LRP1B: variants seen among roughly 807,000 people sequenced by gnomAD.
LRP1B encodes the protein LDL receptor related protein 1B.
Under a neutral mutation model 556.6 loss-of-function variants are expected in LRP1B, and 217 were observed. The ratio of observed to expected loss-of-function variants is 0.39; its 90% CI spans 0.35 to 0.44. LRP1B has a LOEUF of 0.44. LRP1B is among the 20% of genes least tolerant of loss of function. The probability of loss-of-function intolerance (pLI) is 1.00; values close to 1 mark genes in which losing one functional copy is unlikely to be tolerated. For missense variants in LRP1B, 5,053 were observed against 5,620.8 expected (o/e 0.90, Z 3.23); for synonymous variants, 2,047 against 1,865.8 (o/e 1.10, Z -2.50).
At chr2:142,129,593 TCTCTC>T (rs1407397485) in intron 1 of LRP1B, among the ~76,000 whole-genome samples, 1 of 16,462 alleles carries the variant, frequency 6.1e-5, no homozygotes, top group Non-Finnish European at 1.2e-4. Flanking sequence ...TTTCTCTCTC[TCTCTC>T]TCTCTCTCTC....
intron 79 of LRP1B, among the ~76,000 whole-genome samples, chr2:140,332,407 G>A (rs1438020858): frequency 6.6e-6 from 1 of 151,990 alleles, no homozygotes; most frequent in Non-Finnish European, 1.5e-5. Flanking sequence ...GTAATACATG[G>A]AAAGTGTCAG....
intron 5 of LRP1B, among the ~76,000 whole-genome samples, chr2:141,245,010 A>G (rs1458394356): frequency 1.3e-5 from 2 of 152,142 alleles, no homozygotes; most frequent in African/African-American, 4.8e-5. Flanking sequence ...GTTGCATTCT[A>G]TTATTGTAAG....
intron 35 of LRP1B, among the ~76,000 whole-genome samples, chr2:140,722,099 T>G (rs1376821859): frequency 6.6e-5 from 10 of 152,182 alleles, no homozygotes. Flanking sequence ...TTTAAAATGT[T>G]TTGATAAATG....
At chr2:141,974,103 A>T (rs1387593617) in intron 1 of LRP1B, among the ~76,000 whole-genome samples, 6 of 151,966 alleles carry the variant, frequency 3.9e-5, no homozygotes, top group Non-Finnish European at 8.8e-5. Flanking sequence ...GATACTGAAA[A>T]AGAGTCTCTC....
intron 7 of LRP1B, among the ~76,000 whole-genome samples, chr2:141,146,966 A>T (rs1265481967): frequency 6.6e-6 from 1 of 152,162 alleles, no homozygotes; most frequent in Non-Finnish European, 1.5e-5. Flanking sequence ...CAGGAAGCTG[A>T]TCCCTGTGGA....
Position 140,776,740 on chromosome 2 carries a change from C to A in LRP1B, c.5360-502G>T, listed in dbSNP as rs186959902. The stretch of plus-strand genomic sequence containing the variant: ...TTTGATCATGTGTGCTCTCCATTAC[C>A]GGTCTCTTCACAATTGTTAACCTTC... On this transcript the variant is annotated intron_variant, in intron 32 of 90. Coordinates refer to ENST00000389484, the MANE Select transcript of LRP1B (RefSeq NM_018557.3). 9.8e-4 allele frequency among the ~76,000 whole-genome samples: 149 copies of A among 152,032 alleles called. 1 individual carries two copies. The highest frequency in any genetic ancestry group is 1.8e-3 in the Non-Finnish European group (121 of 67,958).
At chr2:141,819,940 T>C (rs1558898055) in intron 1 of LRP1B, among the ~76,000 whole-genome samples, 1 of 152,154 alleles carries the variant, frequency 6.6e-6, no homozygotes, top group Non-Finnish European at 1.5e-5. Context: ...AATTACACAT[T>C]ATTTTTGCAA....
At chr2:140,540,077 G>C (rs1275136451) in intron 45 of LRP1B, among the ~76,000 whole-genome samples, 2 of 152,032 alleles carry the variant, frequency 1.3e-5, no homozygotes, top group Admixed American at 6.6e-5. Flanking sequence ...AATCCTTCCA[G>C]TGGAAAGAGA....
chr2:141,035,834 T>C (rs898112886), intron 11 of LRP1B, among the ~76,000 whole-genome samples: 4 of 152,134 alleles, frequency 2.6e-5, no homozygotes, highest in Non-Finnish European at 5.9e-5. Context: ...GTGTAAACTG[T>C]GGATATTTAA....
At chr2:141,775,309 A>G (rs1160722610) in intron 2 of LRP1B, among the ~76,000 whole-genome samples, 4 of 152,222 alleles carry the variant, frequency 2.6e-5, no homozygotes, top group African/African-American at 9.6e-5. Context: ...GTGGAAAGCA[A>G]TTGATTTTTG....
At chr2:140,672,632 T>C (rs966280520) in intron 41 of LRP1B, among the ~76,000 whole-genome samples, 1 of 152,178 alleles carries the variant, frequency 6.6e-6, no homozygotes, top group Non-Finnish European at 1.5e-5. Context: ...CTCTGAATTA[T>C]TCTTCCTTTT....
chr2:141,195,597 G>A (rs1366464819), intron 6 of LRP1B, among the ~76,000 whole-genome samples: 2 of 152,218 alleles, frequency 1.3e-5, no homozygotes, highest in African/African-American at 4.8e-5. Flanking sequence ...AAACAAGACT[G>A]CCTACGCCAA....
chr2:141,828,133 C>T (rs982584821), intron 1 of LRP1B, among the ~76,000 whole-genome samples: 5 of 143,548 alleles, frequency 3.5e-5, no homozygotes, highest in Non-Finnish European at 7.6e-5. Context: ...TAATCTAATT[C>T]ATTATATGCA....
chr2:141,217,363 A>G (rs1682855609), intron 6 of LRP1B, among the ~76,000 whole-genome samples: 1 of 152,196 alleles, frequency 6.6e-6, no homozygotes, highest in Non-Finnish European at 1.5e-5. Context: ...GATGGTAATG[A>G]AGTAAATATG....
intron 1 of LRP1B, among the ~76,000 whole-genome samples, chr2:142,038,885 G>T (rs189866108): frequency 2.4e-3 from 367 of 151,588 alleles, no homozygotes; most frequent in Non-Finnish European, 3.2e-3. Flanking sequence ...GAGCGTAGTG[G>T]CCTTGTTGCT....
chr2:141,134,921 T>A (rs1001903610), intron 7 of LRP1B, among the ~76,000 whole-genome samples: 9 of 150,390 alleles, frequency 6.0e-5, no homozygotes, highest in Non-Finnish European at 8.9e-5. Flanking sequence ...TTCAAGGTAT[T>A]TATATATATA....
At chr2:141,507,153 C>T (rs1206375002) in intron 2 of LRP1B, among the ~76,000 whole-genome samples, 1 of 152,104 alleles carries the variant, frequency 6.6e-6, no homozygotes, top group African/African-American at 2.4e-5. Context: ...AATTTTGCAG[C>T]ATCTTGCCTA....
chr2:140,323,815 A>ATTTAAAAATATATTAT (rs1419129639), intron 81 of LRP1B, 78 bp downstream of exon 81: 3 of 734,056 alleles, frequency 4.1e-6, no homozygotes, highest in African/African-American at 3.6e-5. Context: ...TAGTTAAGAT[A>ATTTAAAAATATATTAT]TTTAAAAATA....
chr2:141,017,200 T>C (rs922289851), intron 12 of LRP1B, among the ~76,000 whole-genome samples: 2 of 34,646 alleles, frequency 5.8e-5, no homozygotes, highest in Non-Finnish European at 1.2e-4. Flanking sequence ...AGTCATTCTA[T>C]TTGCTGTAAT....
Sources: gnomAD v4.1 joint callset for allele counts (sites outside exome capture counted in the v4.1 genomes callset) on GRCh38, gnomAD v4.1.1 for gene constraint, MANE v1.5 for transcripts, NCBI Gene and HGNC (gene_info 2026-07-23, HGNC 2026-07-21) for gene names.